The following CHN1 variants were observed in gnomAD, a reference collection of about 807,000 sequenced individuals.
The protein encoded by CHN1 is N-chimaerin.
Under a neutral mutation model 59.5 loss-of-function variants are expected in CHN1, and 37 were observed. That is an observed-to-expected ratio of 0.62 (90% CI 0.48 to 0.82). The LOEUF is 0.82. CHN1 is among the 40% of genes least tolerant of loss of function. The pLI is 0.00. For missense variants in CHN1, 469 were observed against 571.0 expected (o/e 0.82, Z 1.82); for synonymous variants, 206 against 200.4 (o/e 1.03, Z -0.24).
intron 2 of CHN1, among the ~76,000 whole-genome samples, chr2:174,948,996 T>G (rs1689935152): frequency 6.6e-6 from 1 of 152,182 alleles, no homozygotes; most frequent in Non-Finnish European, 1.5e-5. Context: ...GCTCACATAT[T>G]AAGGATACTG....
At chr2:174,831,193 A>G (rs12105779) in intron 7 of CHN1, among the ~76,000 whole-genome samples, 3,124 of 152,344 alleles carry the variant, frequency 0.021, 102 homozygotes, top group African/African-American at 0.071. Flanking sequence ...TATGTGCAGA[A>G]AAAATAAATT....
intron 8 of CHN1, among the ~76,000 whole-genome samples, chr2:174,822,281 A>T (rs1198043252): frequency 2.0e-5 from 3 of 152,186 alleles, no homozygotes; most frequent in African/African-American, 7.2e-5. Context: ...CCTGACCTTT[A>T]CTCACAATAA....
chr2:174,880,410 C>T (rs576519166), intron 5 of CHN1, among the ~76,000 whole-genome samples: 1 of 152,292 alleles, frequency 6.6e-6, no homozygotes, highest in Non-Finnish European at 1.5e-5. Context: ...CACAGACTGT[C>T]AAAGATTTCT....
At chr2:174,830,096 G>A (rs1038103392) in intron 7 of CHN1, among the ~76,000 whole-genome samples, 2 of 152,014 alleles carry the variant, frequency 1.3e-5, no homozygotes, top group East Asian at 3.9e-4. Flanking sequence ...AGCCAGGTGT[G>A]GTGGCGGGCA....
chr2:174,842,114 A>T (rs552090977), intron 7 of CHN1, among the ~76,000 whole-genome samples: 2 of 152,206 alleles, frequency 1.3e-5, no homozygotes, highest in Non-Finnish European at 2.9e-5. Context: ...AAGTAACAAC[A>T]ACCAAAGGTC....
chr2:174,879,383 C>G (rs1687668153), intron 5 of CHN1, among the ~76,000 whole-genome samples: 1 of 152,172 alleles, frequency 6.6e-6, no homozygotes, highest in African/African-American at 2.4e-5. Flanking sequence ...AATCTAGAAT[C>G]CAACGTACTA....
At chr2:174,824,405 C>G (rs376323766) in intron 8 of CHN1, 29 bp downstream of exon 8, 21 of 1,536,262 alleles carry the variant, frequency 1.4e-5, no homozygotes, top group Non-Finnish European at 1.6e-5. Flanking sequence ...ACAACTGACT[C>G]AATCCAGAGA....
intron 11 of CHN1, among the ~76,000 whole-genome samples, chr2:174,805,796 C>T (rs935082740): frequency 1.3e-5 from 2 of 151,492 alleles, no homozygotes; most frequent in African/African-American, 4.8e-5. Flanking sequence ...GCAAAAGGGG[C>T]AGCTCAGTGG....
intron 1 of CHN1, among the ~76,000 whole-genome samples, chr2:174,961,044 C>T (rs1178234080): frequency 6.8e-6 from 1 of 147,302 alleles, no homozygotes; most frequent in Non-Finnish European, 1.5e-5. Flanking sequence ...GGAAGGATCA[C>T]TTGAGCCCAG....
At chr2:175,000,919 CTT>C (rs922866198) in intron 1 of CHN1, among the ~76,000 whole-genome samples, 4 of 152,212 alleles carry the variant, frequency 2.6e-5, no homozygotes, top group Admixed American at 2.6e-4. Flanking sequence ...TATTTTTACT[CTT>C]TTAGAGACAG....
chr2:174,949,605 T>G (rs1377967098), intron 2 of CHN1, among the ~76,000 whole-genome samples: 8 of 152,154 alleles, frequency 5.3e-5, no homozygotes, highest in Admixed American at 5.2e-4. Flanking sequence ...GCTCAAGTGA[T>G]CCTCCCACCT....
chr2:174,832,420 T>C (rs1333910653), intron 7 of CHN1, among the ~76,000 whole-genome samples: 2 of 152,038 alleles, frequency 1.3e-5, no homozygotes, highest in Non-Finnish European at 2.9e-5. Flanking sequence ...ACCTTTTTTC[T>C]CCCTTTCTAA....
intron 6 of CHN1, among the ~76,000 whole-genome samples, chr2:174,851,373 G>A (rs1212045308): frequency 1.3e-5 from 2 of 151,964 alleles, no homozygotes; most frequent in African/African-American, 4.8e-5. Context: ...TCAACCTCCT[G>A]GGCTCCATTG....
intron 7 of CHN1, among the ~76,000 whole-genome samples, chr2:174,826,062 T>A (rs1252295186): frequency 6.6e-6 from 1 of 152,226 alleles, no homozygotes; most frequent in Non-Finnish European, 1.5e-5. Flanking sequence ...AAAGCAGGTA[T>A]GTGCTTGTAA....
At position 174,864,216 on chromosome 2, in the gene CHN1, G is replaced by A. The variant is rs1359069116; in HGVS notation, c.549+13624C>T. Among the ~76,000 whole-genome samples the A allele has an allele frequency of 3.3e-5, 5 of 152,102 alleles. No homozygotes were observed. The East Asian group carries it at 9.7e-4, about 29-fold the overall frequency. On this transcript the variant is annotated intron_variant, in intron 6 of 12. Transcript: ENST00000409900. ...ATATAGACTCTAGAGTATTGATTTG[G>A]AAAGCACTTCAACTATCTTAAAAAT...
intron 1 of CHN1, among the ~76,000 whole-genome samples, chr2:174,979,372 A>G (rs1039417594): frequency 2.0e-5 from 3 of 152,220 alleles, no homozygotes; most frequent in Non-Finnish European, 4.4e-5. Context: ...ACACTTATCT[A>G]TTTTTAAAAA....
intron 3 of CHN1, among the ~76,000 whole-genome samples, chr2:174,930,623 T>C (rs373987900): frequency 6.6e-6 from 1 of 152,152 alleles, no homozygotes; most frequent in Non-Finnish European, 1.5e-5. Context: ...ATATCTGGAT[T>C]GGCAACATTA....
intron 6 of CHN1, among the ~76,000 whole-genome samples, chr2:174,854,669 T>A (rs1312371933): frequency 6.6e-6 from 1 of 152,176 alleles, no homozygotes; most frequent in African/African-American, 2.4e-5. Context: ...AAAATACTTA[T>A]GGTATAGAAT....
intron 7 of CHN1, among the ~76,000 whole-genome samples, chr2:174,845,008 G>A (rs1686458223): frequency 6.6e-6 from 1 of 152,106 alleles, no homozygotes; most frequent in Non-Finnish European, 1.5e-5. Flanking sequence ...TAGATACCAA[G>A]GTAAGAGTTA....
Sources: allele counts gnomAD v4.1 joint callset (sites outside exome capture counted in the v4.1 genomes callset), GRCh38; gene constraint gnomAD v4.1.1; transcripts MANE v1.5; gene names NCBI Gene and HGNC (gene_info 2026-07-23, HGNC 2026-07-21).